Variants in TNS1 observed in about 807,000 individuals in gnomAD.
TNS1 encodes the protein tensin-1.
Under a neutral mutation model 168.6 loss-of-function variants are expected in TNS1, and 62 were observed. That is an observed-to-expected ratio of 0.37 (90% CI 0.30 to 0.45). The LOEUF (loss-of-function observed/expected upper bound fraction) is 0.45, where lower values mean the gene tolerates loss of function less well. Among genes scored for constraint, TNS1 ranks in the 20% least tolerant of loss-of-function variants. The probability of loss-of-function intolerance (pLI) is 1.00; values close to 1 mark genes in which losing one functional copy is unlikely to be tolerated. For synonymous variants in TNS1, 934 were observed against 933.2 expected, an observed-to-expected ratio of 1.00 and a Z score of -0.02; for missense variants, 2,240 against 2,339.4, an observed-to-expected ratio of 0.96 and a Z score of 0.88.
chr2:217,937,186 A>C, intron 3 of TNS1: 3 of 357,406 alleles, frequency 8.4e-6, no homozygotes, highest in Admixed American at 3.2e-5. Flanking sequence ...CTACTCCCCT[A>C]CTCCCCTACT....
chr2:217,813,650 C>G lies in TNS1; in HGVS notation c.4861+35G>C. 1.3e-6 allele frequency: 2 copies of G among 1,580,134 alleles called. No homozygotes were observed. Among genetic ancestry groups the G allele is most frequent in the African/African-American group, 2.7e-5 (2 of 74,028 alleles). ...CAGGTTTAGCGACTGTAAAGCTCAC[C>G]TGGTCCTGAGCCCCATTCTGGGAGA... On this transcript the variant is annotated intron_variant, in intron 26 of 32. Coordinates refer to ENST00000682258, the MANE Select transcript of TNS1 (RefSeq NM_001387777.1). This position sits in a 1 kb window ranked among gnomAD's most constrained non-coding sequence, Gnocchi z 4.0.
rs146838780 is a variant in TNS1, at chr2:217,992,791, G to A, written c.34-1735C>T. ...AATGAGAGAGATGAGACAGAGACAC[G>A]CAGAAACTAACAAGGGGGTCAGAGA... On this transcript the variant is annotated intron_variant, in intron 1 of 32. Coordinates refer to ENST00000682258, the MANE Select transcript of TNS1 (RefSeq NM_001387777.1). Among the ~76,000 whole-genome samples, 210 of 152,112 alleles carry A rather than the reference G, an allele frequency of 1.4e-3. 1 individual carries two copies. The highest frequency in any genetic ancestry group is 1.4e-3 in the Non-Finnish European group (94 of 67,996).
intron 3 of TNS1, among the ~76,000 whole-genome samples, chr2:217,973,644 G>C (rs186109932): frequency 6.6e-6 from 1 of 152,244 alleles, no homozygotes; most frequent in African/African-American, 2.4e-5. Context: ...ATTTAACCCA[G>C]AGCAGACCAG....
In TNS1 at chr2:217,810,279, G is replaced by C. The variant is rs1270105816; in HGVS notation, c.5073C>G (p.Asn1691Lys). Residue 1691 changes from asparagine to lysine, a missense_variant, in exon 29 of 33, where the codon AAC becomes AAG. Around this residue, in one of 2 missense-constraint regions of TNS1, gnomAD observed 2,131 missense variants for 2,171.2 expected, o/e 0.98. Transcript: ENST00000682258. ...DESKDSSGPANSTADLLKQGA... is the reference protein window; with the variant it reads ...DESKDSSGPAKSTADLLKQGA... ...CTTGTTTCAGCAGGTCTGCAGTTGA[G>C]TTGGCAGGGCCGGAGCTATCTTTCG... The C allele has an allele frequency of 6.2e-7, 1 of 1,614,172 alleles. No homozygotes were observed.
rs571365848 is a variant in TNS1, at chr2:217,922,112, C to T, written c.187-1876G>A. 8.1e-4 allele frequency among the ~76,000 whole-genome samples: 123 copies of T among 152,192 alleles called. 1 individual carries two copies. Among genetic ancestry groups the T allele is most frequent in the Non-Finnish European group, 1.5e-3 (99 of 68,042 alleles). On this transcript the variant is annotated intron_variant, in intron 3 of 32. Transcript: ENST00000682258. Reference sequence around the variant, plus strand: ...CTATGAGTGATTGTTTTAGAAGAGGCCTCTGAGAGACAGAGCCCAGGGCTG... The same window carrying T: ...CTATGAGTGATTGTTTTAGAAGAGGTCTCTGAGAGACAGAGCCCAGGGCTG...
chr2:217,822,473 G>A, intron 22 of TNS1, among the ~76,000 whole-genome samples: 1 of 152,138 alleles, frequency 6.6e-6, no homozygotes, highest in Non-Finnish European at 1.5e-5. Context: ...TGGGGCTGCT[G>A]TAGACTCACC....
intron 25 of TNS1, 93 bp downstream of exon 25, chr2:217,814,819 A>C: frequency 1.0e-6 from 1 of 1,003,430 alleles, no homozygotes; most frequent in South Asian, 1.4e-5. Context: ...TGCTACAAAG[A>C]GGACTGAATT....
chr2:217,805,536 ACACACACCAC>A (rs1938598993), intron 32 of TNS1, among the ~76,000 whole-genome samples: 2 of 2,016 alleles, frequency 9.9e-4, no homozygotes, highest in African/African-American at 4.8e-3. Context: ...CACACACACC[ACACACACCAC>A]CACACACCAC....
intron 12 of TNS1, among the ~76,000 whole-genome samples, chr2:217,888,700 T>A (rs1462729661): frequency 6.6e-6 from 1 of 152,230 alleles, no homozygotes; most frequent in African/African-American, 2.4e-5. Flanking sequence ...ACCCTCTCTC[T>A]TCTCTTGTCT....
chr2:217,899,920 G>A (rs1952760678), intron 7 of TNS1, among the ~76,000 whole-genome samples: 1 of 152,204 alleles, frequency 6.6e-6, no homozygotes, highest in African/African-American at 2.4e-5. Flanking sequence ...AGGTGAGGCA[G>A]AGAGGGCAAA....
chr2:217,864,966 G>C (rs993613548), intron 18 of TNS1, among the ~76,000 whole-genome samples: 2 of 152,126 alleles, frequency 1.3e-5, no homozygotes, highest in Non-Finnish European at 2.9e-5. Flanking sequence ...AGGTGGGTGT[G>C]TGCAGAGGAG....
At chr2:217,925,134 T>C (rs1271586538) in intron 3 of TNS1, among the ~76,000 whole-genome samples, 2 of 152,246 alleles carry the variant, frequency 1.3e-5, no homozygotes, top group Non-Finnish European at 2.9e-5. Flanking sequence ...GCCTATTTTA[T>C]TGTGTAAAAT....
At chr2:217,812,559 C>T in intron 27 of TNS1, 114 bp from the exon 28 acceptor site, 3 of 773,506 alleles carry the variant, frequency 3.9e-6, no homozygotes, top group East Asian at 2.8e-5. Context: ...ATTACCTCTA[C>T]CTCAACCCAC....
At chr2:217,824,512 C>T (rs1943333725) in intron 22 of TNS1, among the ~76,000 whole-genome samples, 3 of 152,196 alleles carry the variant, frequency 2.0e-5, no homozygotes, top group African/African-American at 2.4e-5. Context: ...TTGCCCAGGT[C>T]ACAGCTGGCA....
intron 18 of TNS1, chr2:217,850,471 T>G (rs1947312180): frequency 1.0e-6 from 1 of 985,190 alleles, no homozygotes; most frequent in Non-Finnish European, 1.2e-6. Flanking sequence ...AAGTGAGCGC[T>G]GGGTGGCTCG....
intron 6 of TNS1, chr2:217,901,848 C>T (rs1404344845): frequency 2.6e-5 from 4 of 152,274 alleles, no homozygotes; most frequent in South Asian, 2.1e-4. Flanking sequence ...AGGTGGGTTC[C>T]GAGGTCCAGC....
At chr2:217,941,499 C>T (rs1483174660) in intron 3 of TNS1, among the ~76,000 whole-genome samples, 1 of 152,204 alleles carries the variant, frequency 6.6e-6, no homozygotes, top group Non-Finnish European at 1.5e-5. Context: ...CAGGGCAGAG[C>T]GTCGGGCTCT....
In TNS1 at chr2:217,817,786, A is replaced by C. The variant is rs143109214; in HGVS notation, c.4546T>G (p.Ser1516Ala). The change falls in exon 24 of 33, where the codon TCT becomes GCT. Residue 1516 changes from serine to alanine, a missense_variant. Ser to Ala is a moderately conservative substitution (Grantham distance 99, BLOSUM62 1). Transcript: ENST00000682258. ...PNYATINGKV[S>A]SPVASGMSSP... Reference sequence around the variant, plus strand: ...GACATGCCGCTGGCGACAGGCGAAGACACCTTCCCATTGATGGTGGCATAG... The same window carrying C: ...GACATGCCGCTGGCGACAGGCGAAGCCACCTTCCCATTGATGGTGGCATAG... 113 of 1,614,166 alleles carry C rather than the reference A, an allele frequency of 7.0e-5. No individual in the cohort carries two copies. The African/African-American group carries it at 1.3e-3, about 18-fold the overall frequency.
chr2:217,915,869 G>A (rs1954949952), intron 4 of TNS1, among the ~76,000 whole-genome samples: 1 of 152,210 alleles, frequency 6.6e-6, no homozygotes, highest in South Asian at 2.1e-4. Context: ...ACAGGTCACT[G>A]TGAGGTCCCA....
Sources: gnomAD v4.1 joint callset for allele counts (sites outside exome capture counted in the v4.1 genomes callset) on GRCh38, gnomAD v4.1.1 for gene constraint, gnomAD v4.1.1 regional missense constraint, Gnocchi (gnomAD v3.1) non-coding constraint, MANE v1.5 for transcripts, NCBI Gene and HGNC (gene_info 2026-07-23, HGNC 2026-07-21) for gene names.